SHROOM3: variants seen among roughly 807,000 people sequenced by gnomAD.
SHROOM3 encodes the protein shroom family member 3, also known as protein Shroom3.
SHROOM3 carries 47 observed loss-of-function variants against 138.6 expected under a neutral mutation model. That is an observed-to-expected ratio of 0.34 (90% confidence interval 0.27 to 0.43). The LOEUF (loss-of-function observed/expected upper bound fraction) is 0.43. SHROOM3 is among the 20% of genes least tolerant of loss of function. The pLI is 1.00. For missense variants in SHROOM3, 2,491 were observed against 2,596.5 expected, an observed-to-expected ratio of 0.96 and a Z score of 0.88; for synonymous variants, 1,062 against 1,063.3, an observed-to-expected ratio of 1.00 and a Z score of 0.02.
At chr4:76,756,978 A>G (rs1276528271) in intron 8 of SHROOM3, 41 bp downstream of exon 8, 1 of 1,612,772 alleles carries the variant, frequency 6.2e-7, no homozygotes, top group Admixed American at 1.7e-5. Context: ...TTACAATCAC[A>G]CTCCTTCCAT....
At chr4:76,442,152 C>T (rs966676010) in intron 1 of SHROOM3, among the ~76,000 whole-genome samples, 4 of 152,208 alleles carry the variant, frequency 2.6e-5, no homozygotes, top group African/African-American at 9.6e-5. Flanking sequence ...TATTTCTTCT[C>T]TTAGCAAAAT....
chr4:76,648,101 G>A (rs1211710632), intron 2 of SHROOM3, among the ~76,000 whole-genome samples: 1 of 152,080 alleles, frequency 6.6e-6, no homozygotes, highest in Non-Finnish European at 1.5e-5. Context: ...GCTAAGACAG[G>A]AGGCTCACTT....
At chr4:76,567,764 G>A (rs1733756932) in intron 2 of SHROOM3, among the ~76,000 whole-genome samples, 1 of 152,216 alleles carries the variant, frequency 6.6e-6, no homozygotes, top group Admixed American at 6.5e-5. Flanking sequence ...CACAAGCCCT[G>A]GACACCTAAA....
intron 2 of SHROOM3, among the ~76,000 whole-genome samples, chr4:76,593,945 C>T (rs560765139): frequency 1.3e-5 from 2 of 152,218 alleles, no homozygotes; most frequent in South Asian, 2.1e-4. Context: ...CCAGGTTGCT[C>T]GGTTATGATC....
chr4:76,509,508 C>T (rs978119046), intron 1 of SHROOM3: 6 of 152,296 alleles, frequency 3.9e-5, no homozygotes, highest in Non-Finnish European at 7.3e-5. Context: ...ATTTTGTGTT[C>T]TTGGCCAGGA....
rs540392163 is a variant in SHROOM3 at position 76,774,537 on chromosome 4, G to T, written c.5622+3639G>T. Reference sequence around the variant, plus strand: ...AAAAAAGTGTTCATATTAAGATTTGGCACCATTAATGATAGGTACACAGAG... The same window carrying T: ...AAAAAAGTGTTCATATTAAGATTTGTCACCATTAATGATAGGTACACAGAG... On this transcript the variant is annotated intron_variant, in intron 10 of 10. Coordinates refer to ENST00000296043, the MANE Select transcript of SHROOM3 (RefSeq NM_020859.4). Among the ~76,000 whole-genome samples the T allele has an allele frequency of 2.2e-4, 34 of 151,898 alleles. No homozygotes were observed. In the Middle Eastern group the frequency reaches 0.01, roughly 46 times the overall value.
intron 10 of SHROOM3, among the ~76,000 whole-genome samples, chr4:76,773,894 T>A (rs1042931905): frequency 6.6e-6 from 1 of 152,120 alleles, no homozygotes; most frequent in South Asian, 2.1e-4. Context: ...CTTACCACAG[T>A]CATACACTAG....
intron 4 of SHROOM3, among the ~76,000 whole-genome samples, chr4:76,738,397 A>C (rs775066653): frequency 5.9e-5 from 9 of 152,192 alleles, no homozygotes; most frequent in Non-Finnish European, 1.0e-4. Flanking sequence ...ACACAGTTTC[A>C]GTCTCAATCA....
chr4:76,753,146 G>C (rs888717819), intron 6 of SHROOM3, among the ~76,000 whole-genome samples: 1 of 152,224 alleles, frequency 6.6e-6, no homozygotes, highest in Non-Finnish European at 1.5e-5. Context: ...TCTATGGAGA[G>C]GTTCCTGGTA....
intron 2 of SHROOM3, among the ~76,000 whole-genome samples, chr4:76,607,024 GTA>G (rs906669961): frequency 4.9e-4 from 75 of 152,128 alleles, no homozygotes; most frequent in African/African-American, 1.5e-3. Context: ...ATATTTATAT[GTA>G]TGTGTGTGTG....
At chr4:76,512,909 A>G (rs1732368056) in intron 1 of SHROOM3, among the ~76,000 whole-genome samples, 1 of 152,162 alleles carries the variant, frequency 6.6e-6, no homozygotes, top group African/African-American at 2.4e-5. Flanking sequence ...GGTGGATTGG[A>G]TCATAACCAA....
At position 76,739,012 on chromosome 4, in the gene SHROOM3, G is replaced by A. The variant is rs770966223; in HGVS notation, c.839G>A (p.Arg280Gln). Residue 280 changes from arginine to glutamine, a missense_variant, in exon 5 of 11, where the codon CGG (arginine) becomes CAG (glutamine). Transcript: ENST00000296043. Reference protein sequence around the residue: ...LEYPHPGISGRERSGSMDNTS... With the variant: ...LEYPHPGISGQERSGSMDNTS... ...TATCCACACCCTGGCATCTCTGGCC[G>A]GGAGCGTTCAGGCTCCATGGACAAT... The A allele has an allele frequency of 1.2e-5, 20 of 1,614,070 alleles. No homozygotes were observed. Among genetic ancestry groups the A allele is most frequent in the South Asian group, 4.4e-5 (4 of 91,082 alleles).
chr4:76,716,533 A>G (rs1301627676), intron 3 of SHROOM3: 1 of 431,654 alleles, frequency 2.3e-6, no homozygotes, highest in East Asian at 5.8e-5. Context: ...AAAAATAACC[A>G]ACTGCCTGTT....
At chr4:76,538,777 T>C (rs1444056961) in intron 1 of SHROOM3, among the ~76,000 whole-genome samples, 1 of 152,220 alleles carries the variant, frequency 6.6e-6, no homozygotes. Flanking sequence ...TATCTGCAGA[T>C]GCTCCCAAAC....
chr4:76,680,505 C>G (rs904682634), intron 2 of SHROOM3, among the ~76,000 whole-genome samples: 10 of 152,090 alleles, frequency 6.6e-5, no homozygotes, highest in African/African-American at 2.2e-4. Context: ...GCTCGGGGAC[C>G]AAAATTTAAA....
chr4:76,652,795 A>G (rs1444895825), intron 2 of SHROOM3, among the ~76,000 whole-genome samples: 4 of 151,846 alleles, frequency 2.6e-5, no homozygotes, highest in Non-Finnish European at 5.9e-5. Flanking sequence ...TGGTGTGTAT[A>G]AGTGTGTGTG....
intron 10 of SHROOM3, among the ~76,000 whole-genome samples, chr4:76,774,883 T>C (rs916728874): frequency 2.6e-5 from 4 of 152,156 alleles, no homozygotes; most frequent in Admixed American, 1.3e-4. Context: ...TAACCCTACA[T>C]AAGCTATTTT....
intron 4 of SHROOM3, among the ~76,000 whole-genome samples, chr4:76,734,679 AC>A (rs1720981029): frequency 6.6e-6 from 1 of 152,080 alleles, no homozygotes. Context: ...CCTGGTAGAT[AC>A]CTGTGTTTAA....
At position 76,613,776 on chromosome 4, in the gene SHROOM3, G is replaced by C. The variant is rs150657060; in HGVS notation, c.323+58013G>C. Among the ~76,000 whole-genome samples, 286 of 152,204 alleles carry C rather than the reference G, an allele frequency of 1.9e-3. 2 individuals are homozygous for C. Among genetic ancestry groups the C allele is most frequent in the African/African-American group, 6.5e-3 (272 of 41,528 alleles). The stretch of plus-strand genomic sequence containing the variant: ...GTCACTCAGCTACAGCTTTTTATTG[G>C]CCATGCTGCATGCTCAACTTCACTC... On this transcript the variant is annotated intron_variant, in intron 2 of 10. Coordinates refer to ENST00000296043, the MANE Select transcript of SHROOM3 (RefSeq NM_020859.4).
Sources: gnomAD v4.1 joint callset for allele counts (sites outside exome capture counted in the v4.1 genomes callset) on GRCh38, gnomAD v4.1.1 for gene constraint, MANE v1.5 for transcripts, NCBI Gene and HGNC (gene_info 2026-07-23, HGNC 2026-07-21) for gene names.